Variants in ARID4A observed in about 807,000 individuals in gnomAD.
The protein encoded by ARID4A is AT-rich interactive domain-containing protein 4A.
ARID4A carries 39 observed loss-of-function variants against 148.6 expected under a neutral mutation model. The observed-to-expected ratio is 0.26, with a 90% confidence interval of 0.20 to 0.34. The LOEUF (loss-of-function observed/expected upper bound fraction) is 0.34. Ranked by LOEUF, ARID4A falls within the 10% of genes least tolerant of loss-of-function variation. The pLI is 1.00. For missense variants in ARID4A, 1,265 were observed against 1,449.1 expected (o/e 0.87, Z 2.06); for synonymous variants, 475 against 481.2 (o/e 0.99, Z 0.17).
chr14:58,373,619 A>T lies in ARID4A; in HGVS notation c.*1630A>T, dbSNP rs925377693. 1.1e-5 allele frequency: 2 copies of T among 176,510 alleles called. No homozygotes were observed. Among genetic ancestry groups the T allele is most frequent in the Non-Finnish European group, 2.4e-5 (2 of 81,830 alleles). The allele number at this position is 176,510 out of a possible 1,614,324, so 10.9% of individuals were successfully genotyped here. A position where few individuals can be genotyped will look rare whatever the true frequency, so the allele number is the denominator to read the frequency against. ...TTCTCAGAGAATTAAAAACAAAAAA[A>T]GTACTCTTGTAAAATGCACTTTTCT... On this transcript the variant is annotated 3_prime_UTR_variant, in exon 24 of 24. Transcript: ENST00000355431.
In ARID4A at chr14:58,360,921, G is replaced by T. The variant is rs187017344; in HGVS notation, c.1959G>T (p.Lys653Asn). ...CCCAGAATAAAGAAGATAGTGAAAA[G>T]GACGAAAAGAGAGATGAGGAGAGGC... ...KKAKNKEDSE[K>N]DEKRDEERQK... Residue 653 changes from lysine (K) to asparagine (N), a missense_variant, in exon 19 of 24, where the codon AAG becomes AAT. Lys to Asn is a moderately conservative substitution (Grantham distance 94). This residue lies in a region of ARID4A where 666 missense variants were observed against 730.9 expected (regional missense o/e 0.91). Coordinates refer to ENST00000355431, the MANE Select transcript of ARID4A (RefSeq NM_002892.4). The T allele has an allele frequency of 1.2e-6, 2 of 1,614,036 alleles. No homozygotes were observed. Among genetic ancestry groups the T allele is most frequent in the East Asian group, 2.2e-5 (1 of 44,860 alleles).
Position 58,372,239 on chromosome 14 carries a change from C to T in ARID4A, c.*250C>T, listed in dbSNP as rs978397351. On this transcript the variant is annotated 3_prime_UTR_variant, in exon 24 of 24. Transcript: ENST00000355431. Reference sequence around the variant, plus strand: ...ATTTTTCCTCTTTACTTTTGTTTTTCGTTTGTTGTGATATAGAACAAAGGG... The same window carrying T: ...ATTTTTCCTCTTTACTTTTGTTTTTTGTTTGTTGTGATATAGAACAAAGGG... 14 of 392,558 alleles carry T rather than the reference C, an allele frequency of 3.6e-5. No individual in the cohort carries two copies. The highest frequency in any genetic ancestry group is 4.6e-5 in the Non-Finnish European group (10 of 216,080). The allele number at this position is 392,558 out of a possible 1,614,324, so 24.3% of individuals were successfully genotyped here.
intron 11 of ARID4A, chr14:58,331,618 A>C (rs924138887): frequency 6.6e-6 from 1 of 152,226 alleles, no homozygotes; most frequent in African/African-American, 2.4e-5. Flanking sequence ...GGAAGGACTC[A>C]GAACCAAGCG....
chr14:58,331,642 TAA>T (rs1169763536), intron 11 of ARID4A: 4 of 152,140 alleles, frequency 2.6e-5, no homozygotes, highest in Non-Finnish European at 5.9e-5. Flanking sequence ...TTCTTTCTTG[TAA>T]AAAAGACAGT....
intron 5 of ARID4A, among the ~76,000 whole-genome samples, chr14:58,308,616 G>C (rs1013488767): frequency 2.2e-4 from 33 of 152,198 alleles, no homozygotes; most frequent in African/African-American, 7.7e-4. Flanking sequence ...AATGATCAGA[G>C]TATAATGACC....
chr14:58,300,038 G>C (rs1262989583), intron 2 of ARID4A, among the ~76,000 whole-genome samples, 178 bp downstream of exon 2: 2 of 152,208 alleles, frequency 1.3e-5, no homozygotes, highest in Admixed American at 6.5e-5. Context: ...TAAATGCGGA[G>C]TTTAGGCCCT....
chr14:58,316,251 A>G (rs1405958951), intron 5 of ARID4A, among the ~76,000 whole-genome samples: 1 of 152,196 alleles, frequency 6.6e-6, no homozygotes, highest in African/African-American at 2.4e-5. Context: ...AGTATCTAGA[A>G]TTGTGAAAAT....
At chr14:58,313,130 T>C (rs1463931838) in intron 5 of ARID4A, among the ~76,000 whole-genome samples, 3 of 152,194 alleles carry the variant, frequency 2.0e-5, no homozygotes, top group Non-Finnish European at 4.4e-5. Flanking sequence ...TCTTAATAGA[T>C]TTTAATATTT....
rs759004578 is a variant in ARID4A at position 58,299,833 on chromosome 14, A to G, written c.-22A>G. The stretch of plus-strand genomic sequence containing the variant: ...TGCGAAGATAGCTCGCTGAGCTGGA[A>G]CCCCACAGATCACCAACAAAAATGA... On this transcript the variant is annotated 5_prime_UTR_variant, in exon 2 of 24. Coordinates refer to ENST00000355431, the MANE Select transcript of ARID4A (RefSeq NM_002892.4). 1.2e-6 allele frequency: 2 copies of G among 1,612,516 alleles called. No individual in the cohort carries two copies. The highest frequency in any genetic ancestry group is 4.5e-5 in the East Asian group (2 of 44,824).
At chr14:58,344,827 A>G (rs2034278836) in intron 12 of ARID4A, 60 bp downstream of exon 12, 1 of 1,231,622 alleles carries the variant, frequency 8.1e-7, no homozygotes, top group Non-Finnish European at 1.2e-6. Flanking sequence ...CATTCTAGGT[A>G]TATGCATTGT....
intron 11 of ARID4A, among the ~76,000 whole-genome samples, chr14:58,343,982 G>A (rs952353264): frequency 4.5e-4 from 68 of 152,184 alleles, no homozygotes; most frequent in African/African-American, 1.5e-3. Context: ...AGCTAAATCA[G>A]TAATTATGTA....
At chr14:58,338,466 A>G (rs773908456) in intron 11 of ARID4A, among the ~76,000 whole-genome samples, 3 of 152,094 alleles carry the variant, frequency 2.0e-5, no homozygotes, top group Non-Finnish European at 2.9e-5. Context: ...TGGAGCTTGG[A>G]GGGTGCTGTC....
intron 5 of ARID4A, among the ~76,000 whole-genome samples, chr14:58,309,769 A>G (rs904663746): frequency 6.6e-6 from 1 of 152,236 alleles, no homozygotes; most frequent in African/African-American, 2.4e-5. Flanking sequence ...TATCATCTGT[A>G]TTAATGTTTT....
At chr14:58,371,571 G>T (rs2035616426) in intron 23 of ARID4A, among the ~76,000 whole-genome samples, 1 of 152,064 alleles carries the variant, frequency 6.6e-6, no homozygotes, top group South Asian at 2.1e-4. Flanking sequence ...TTTATCTCAG[G>T]TTGACCTTGT....
At chr14:58,369,560 C>CACCG (rs1211088545) in intron 23 of ARID4A, among the ~76,000 whole-genome samples, 1 of 144,534 alleles carries the variant, frequency 6.9e-6, no homozygotes, top group Admixed American at 7.2e-5. Flanking sequence ...CGGAAGTGAG[C>CACCG]ACCGAGATCG....
intron 11 of ARID4A, among the ~76,000 whole-genome samples, chr14:58,341,817 C>G (rs1008631653): frequency 2.0e-5 from 3 of 152,264 alleles, no homozygotes; most frequent in African/African-American, 7.2e-5. Context: ...GAATGTGACT[C>G]TTGGATCTCT....
intron 6 of ARID4A, 25 bp from the exon 7 acceptor site, chr14:58,318,686 T>C: frequency 6.2e-7 from 1 of 1,613,368 alleles, no homozygotes; most frequent in East Asian, 2.2e-5. Flanking sequence ...TAAAACGTAA[T>C]TTAATTAATC....
chr14:58,336,180 T>A (rs2033804908), intron 11 of ARID4A, among the ~76,000 whole-genome samples: 1 of 152,262 alleles, frequency 6.6e-6, no homozygotes, highest in Non-Finnish European at 1.5e-5. Flanking sequence ...GTACATTATT[T>A]AATGTAATAT....
intron 14 of ARID4A, 111 bp from the exon 15 acceptor site, chr14:58,347,536 A>G: frequency 1.2e-6 from 1 of 837,190 alleles, no homozygotes; most frequent in Non-Finnish European, 1.8e-6. Flanking sequence ...AAGAGTAACA[A>G]AAATTTTTTT....
Sources: gnomAD v4.1 joint callset for allele counts (sites outside exome capture counted in the v4.1 genomes callset) on GRCh38, gnomAD v4.1.1 for gene constraint, gnomAD v4.1.1 regional missense constraint, MANE v1.5 for transcripts, NCBI Gene and HGNC (gene_info 2026-07-23, HGNC 2026-07-21) for gene names.